Variants in IGF2BP1 observed in about 807,000 individuals in gnomAD.
The protein encoded by IGF2BP1 is insulin like growth factor 2 mRNA binding protein 1, also known as insulin-like growth factor 2 mRNA-binding protein 1.
A neutral mutation model predicts 74.9 loss-of-function variants in IGF2BP1; 11 were observed. That is an observed-to-expected ratio of 0.15 (90% CI 0.09 to 0.24). IGF2BP1 has a LOEUF of 0.24. IGF2BP1 is among the 10% of genes least tolerant of loss of function. IGF2BP1 has a pLI of 1.00. For synonymous variants in IGF2BP1, 287 were observed against 281.8 expected, an observed-to-expected ratio of 1.02 and a Z score of -0.18; for missense variants, 440 against 757.4, an observed-to-expected ratio of 0.58 and a Z score of 4.92.
chr17:49,014,061 C>T (rs1325231463), intron 2 of IGF2BP1: 3 of 152,154 alleles, frequency 2.0e-5, no homozygotes, highest in Non-Finnish European at 4.4e-5. Flanking sequence ...GAGGGGGCGA[C>T]CGTGGGCACA....
intron 2 of IGF2BP1, among the ~76,000 whole-genome samples, chr17:49,022,515 C>T (rs2041805541): frequency 6.6e-6 from 1 of 151,884 alleles, no homozygotes; most frequent in South Asian, 2.1e-4. Context: ...GGGGTGTGTA[C>T]CCTGGAGGGC....
intron 4 of IGF2BP1, among the ~76,000 whole-genome samples, chr17:49,027,579 G>A (rs551808110): frequency 4.6e-5 from 7 of 152,176 alleles, no homozygotes; most frequent in East Asian, 1.9e-4. Flanking sequence ...CCAGCCGGGC[G>A]CGGTGGCTCA....
chr17:49,024,829 GTC>G (rs2041832453), intron 2 of IGF2BP1, among the ~76,000 whole-genome samples: 1 of 152,184 alleles, frequency 6.6e-6, no homozygotes, highest in Non-Finnish European at 1.5e-5. Context: ...TTATTTGTGT[GTC>G]TCCAGCATCT....
At chr17:49,003,967 C>G (rs1413927954) in intron 2 of IGF2BP1, among the ~76,000 whole-genome samples, 1 of 151,812 alleles carries the variant, frequency 6.6e-6, no homozygotes, top group Non-Finnish European at 1.5e-5. Flanking sequence ...CTTCCCCTTT[C>G]AAAAAAGAGA....
chr17:49,026,552 G>T, intron 4 of IGF2BP1, 35 bp downstream of exon 4: 1 of 1,589,342 alleles, frequency 6.3e-7, no homozygotes, highest in South Asian at 1.1e-5. Context: ...GGCACTCGTG[G>T]TGGGGGTTGG....
intron 2 of IGF2BP1, among the ~76,000 whole-genome samples, chr17:49,009,980 T>C (rs2041597213): frequency 1.3e-5 from 2 of 151,862 alleles, no homozygotes; most frequent in South Asian, 4.1e-4. Flanking sequence ...CTCGGGAGTC[T>C]GAGGCAGGAG....
At chr17:49,007,953 C>T (rs564871016) in intron 2 of IGF2BP1, among the ~76,000 whole-genome samples, 228 of 152,182 alleles carry the variant, frequency 1.5e-3, no homozygotes, top group East Asian at 3.1e-3. Context: ...GGGTGGATCA[C>T]CTGAGATCAG....
chr17:49,034,926 T>A (rs774664344), intron 5 of IGF2BP1, among the ~76,000 whole-genome samples: 2 of 152,232 alleles, frequency 1.3e-5, no homozygotes, highest in African/African-American at 4.8e-5. Flanking sequence ...CCGTAAGATA[T>A]GCAGTTTCGG....
chr17:49,034,094 G>T, intron 5 of IGF2BP1, among the ~76,000 whole-genome samples: 1 of 143,356 alleles, frequency 7.0e-6, no homozygotes, highest in Admixed American at 7.1e-5. Flanking sequence ...CAAAGTGTTA[G>T]AATTATATCA....
At chr17:49,018,717 T>C (rs187937731) in intron 2 of IGF2BP1, among the ~76,000 whole-genome samples, 294 of 151,936 alleles carry the variant, frequency 1.9e-3, no homozygotes, top group Non-Finnish European at 3.2e-3. Flanking sequence ...AAAATCCCTC[T>C]AATTAAGAAG....
chr17:49,035,641 G>T (rs2041977753), intron 5 of IGF2BP1, among the ~76,000 whole-genome samples: 1 of 152,202 alleles, frequency 6.6e-6, no homozygotes, highest in Non-Finnish European at 1.5e-5. Flanking sequence ...AGCGGTGGGG[G>T]TGGCTGGGGC....
intron 4 of IGF2BP1, among the ~76,000 whole-genome samples, chr17:49,030,984 G>A (rs1423813035): frequency 1.3e-5 from 2 of 152,176 alleles, no homozygotes; most frequent in Non-Finnish European, 2.9e-5. Flanking sequence ...TGTATGTGGA[G>A]GTGGGTAGTA....
At chr17:48,998,628 C>T (rs7223256) in intron 1 of IGF2BP1, among the ~76,000 whole-genome samples, 4,255 of 152,242 alleles carry the variant, frequency 0.028, 197 homozygotes, top group African/African-American at 0.096. Context: ...CCCCCAGGTC[C>T]ACCCCTTCCC....
chr17:49,021,436 GCCT>G (rs920235490), intron 2 of IGF2BP1, among the ~76,000 whole-genome samples: 3 of 152,094 alleles, frequency 2.0e-5, no homozygotes. Flanking sequence ...TGGCTCTTAT[GCCT>G]CCTCCTTGGC....
At chr17:49,034,756 C>CAAA (rs11388257) in intron 5 of IGF2BP1, among the ~76,000 whole-genome samples, 55 of 136,210 alleles carry the variant, frequency 4.0e-4, no homozygotes, top group African/African-American at 1.1e-3. Flanking sequence ...ACAAAAAAAA[C>CAAA]AAAAAAAACA....
chr17:48,998,124 C>T (rs565198276), intron 1 of IGF2BP1, among the ~76,000 whole-genome samples: 1 of 152,206 alleles, frequency 6.6e-6, no homozygotes, highest in South Asian at 2.1e-4. Context: ...TCGGGATTTC[C>T]TCATCCCTTT....
chr17:49,041,539 A>G (rs941950789), intron 8 of IGF2BP1, 39 bp downstream of exon 8: 1 of 1,612,668 alleles, frequency 6.2e-7, no homozygotes, highest in Non-Finnish European at 8.5e-7. Context: ...TGAGTGGGGG[A>G]TGCATGGGGG....
intron 2 of IGF2BP1, among the ~76,000 whole-genome samples, chr17:49,012,132 T>C (rs897097223): frequency 2.6e-5 from 4 of 152,134 alleles, no homozygotes; most frequent in Non-Finnish European, 4.4e-5. Context: ...CTCGAACTCC[T>C]GACCTCAGGC....
chr17:49,045,047 G>A lies in IGF2BP1; in HGVS notation c.1377G>A (p.Pro459=), dbSNP rs754609010. 1.8e-5 allele frequency: 29 copies of A among 1,613,768 alleles called. No homozygotes were observed. The highest frequency in any genetic ancestry group is 1.5e-4 in the Admixed American group (9 of 60,000). The part of the protein sequence containing the change: ...SKVRMVIITG[P]PEAQFKAQGR... ...TTCGTATGGTTATCATCACTGGACC[G>A]CCAGAGGCCCAATTCAAGGTTTTGG... The change falls in exon 12 of 15, where the codon CCG becomes CCA. Residue 459 remains proline, a synonymous_variant. Transcript: ENST00000290341.
Sources: gnomAD v4.1 joint callset for allele counts (sites outside exome capture counted in the v4.1 genomes callset) on GRCh38, gnomAD v4.1.1 for gene constraint, MANE v1.5 for transcripts, NCBI Gene and HGNC (gene_info 2026-07-23, HGNC 2026-07-21) for gene names.